The following PLEKHG4B variants were observed in gnomAD, a reference collection of about 807,000 sequenced individuals.
The protein encoded by PLEKHG4B is pleckstrin homology domain-containing family G member 4B.
A neutral mutation model predicts 121.3 loss-of-function variants in PLEKHG4B; 111 were observed. The ratio of observed to expected loss-of-function variants is 0.92; its 90% CI spans 0.78 to 1.07. PLEKHG4B has a LOEUF of 1.07. Ranked by LOEUF, PLEKHG4B falls within the 50% of genes least tolerant of loss-of-function variation. The probability of loss-of-function intolerance (pLI) is 0.00; values close to 1 mark genes in which losing one functional copy is unlikely to be tolerated. For synonymous variants in PLEKHG4B, 738 were observed against 725.0 expected (o/e 1.02, Z -0.29); for missense variants, 1,831 against 1,757.8 (o/e 1.04, Z -0.74).
chr5:112,969 C>A (rs536051633), intron 1 of PLEKHG4B, among the ~76,000 whole-genome samples: 1 of 152,258 alleles, frequency 6.6e-6, no homozygotes, highest in South Asian at 2.1e-4. Context: ...TGGCAGCCCA[C>A]ATTTATAGAG....
Position 159,846 on chromosome 5 carries a change from CCTGTGGAGT to C in PLEKHG4B, c.2488-1934_2488-1926del, listed in dbSNP as rs1735933482. Among the ~76,000 whole-genome samples, 1 of 152,176 alleles carries C rather than the reference CCTGTGGAGT, an allele frequency of 6.6e-6. No homozygotes were observed. Among genetic ancestry groups the C allele is most frequent in the South Asian group, 2.1e-4 (1 of 4,820 alleles). On this transcript the variant is annotated intron_variant, in intron 11 of 19. Coordinates refer to ENST00000637938, the MANE Select transcript of PLEKHG4B (RefSeq NM_052909.5). This position sits in a 1 kb window ranked among gnomAD's most constrained non-coding sequence, Gnocchi z 5.5. ...TCCCTCCGACACTCCCTCACCCTGT[CCTGTGGAGT>C]CTCGGGACTTGGCCTCTGCTCTCCT...
chr5:170,069 G>C (rs1486537335), intron 14 of PLEKHG4B, among the ~76,000 whole-genome samples: 1 of 152,222 alleles, frequency 6.6e-6, no homozygotes, highest in African/African-American at 2.4e-5. Flanking sequence ...TGAATGTACA[G>C]ACCCAGTGGT....
At chr5:158,293 C>A (rs893328771) in intron 11 of PLEKHG4B, among the ~76,000 whole-genome samples, 1 of 140,524 alleles carries the variant, frequency 7.1e-6, no homozygotes, top group African/African-American at 2.7e-5. Context: ...TCTGCCCATC[C>A]TGGGGGTCTC....
chr5:122,743 C>T (rs1734506403), intron 2 of PLEKHG4B, among the ~76,000 whole-genome samples: 1 of 151,844 alleles, frequency 6.6e-6, no homozygotes, highest in African/African-American at 2.4e-5. Flanking sequence ...AATATAAAGA[C>T]ACACAAAAAT....
intron 2 of PLEKHG4B, among the ~76,000 whole-genome samples, chr5:119,851 C>T (rs10040004): frequency 6.6e-6 from 1 of 152,048 alleles, no homozygotes; most frequent in South Asian, 2.1e-4. Flanking sequence ...CTTGAATGCA[C>T]GTGGATCTTC....
chr5:135,349 A>C (rs1363384269), intron 2 of PLEKHG4B, among the ~76,000 whole-genome samples: 4 of 151,864 alleles, frequency 2.6e-5, no homozygotes, highest in Admixed American at 1.3e-4. Context: ...AACACATCTC[A>C]TGTTCATGGA....
At chr5:96,372 C>G (rs965470643) in intron 1 of PLEKHG4B, among the ~76,000 whole-genome samples, 9 of 152,162 alleles carry the variant, frequency 5.9e-5, no homozygotes, top group Admixed American at 3.3e-4. Flanking sequence ...AATTTTTTGT[C>G]AAATTTCTTA....
chr5:94,268 T>C (rs1733562670), intron 1 of PLEKHG4B, among the ~76,000 whole-genome samples: 1 of 152,182 alleles, frequency 6.6e-6, no homozygotes, highest in Admixed American at 6.5e-5. Flanking sequence ...CCCACCTGGG[T>C]CGCCCCACAC....
At chr5:174,131 C>G in intron 18 of PLEKHG4B, 33 bp downstream of exon 18, 1 of 1,486,668 alleles carries the variant, frequency 6.7e-7, no homozygotes, top group Non-Finnish European at 9.1e-7. Flanking sequence ...GCCTGCCAGG[C>G]TCAGGGGCAC....
chr5:181,368 G>T, intron 18 of PLEKHG4B, 146 bp from the exon 19 acceptor site: 1 of 779,114 alleles, frequency 1.3e-6, no homozygotes, highest in Non-Finnish European at 2.0e-6. Flanking sequence ...CAGCACCCTG[G>T]CCCCCCATGC....
intron 2 of PLEKHG4B, among the ~76,000 whole-genome samples, chr5:122,698 A>G (rs1195449338): frequency 2.6e-5 from 4 of 152,074 alleles, no homozygotes; most frequent in Non-Finnish European, 4.4e-5. Flanking sequence ...GGGATTACAG[A>G]CATGAGCCAC....
intron 18 of PLEKHG4B, among the ~76,000 whole-genome samples, chr5:180,721 A>G (rs1169654267): frequency 6.6e-6 from 1 of 152,178 alleles, no homozygotes; most frequent in African/African-American, 2.4e-5. Flanking sequence ...CTAACCCTAA[A>G]ATAGCCTTCG....
intron 14 of PLEKHG4B, among the ~76,000 whole-genome samples, chr5:170,388 C>T (rs1187256400): frequency 1.3e-5 from 2 of 152,062 alleles, no homozygotes; most frequent in Admixed American, 6.5e-5. Flanking sequence ...CAGCAGACTC[C>T]GCCTCCCGAG....
chr5:110,671 G>T (rs995738230), intron 1 of PLEKHG4B, among the ~76,000 whole-genome samples: 10 of 120,498 alleles, frequency 8.3e-5, no homozygotes, highest in Admixed American at 1.7e-4. Flanking sequence ...ACACGTGCAC[G>T]CACCCACACA....
chr5:114,137 T>C (rs146124897), intron 2 of PLEKHG4B, among the ~76,000 whole-genome samples: 4 of 152,330 alleles, frequency 2.6e-5, no homozygotes, highest in African/African-American at 9.6e-5. Context: ...AATCTCTTTA[T>C]TGGTGGAAGG....
chr5:98,228 G>T (rs1233265838), intron 1 of PLEKHG4B, among the ~76,000 whole-genome samples: 2 of 151,922 alleles, frequency 1.3e-5, no homozygotes, highest in African/African-American at 4.8e-5. Context: ...GTTAACTTTT[G>T]TATGTGGTGT....
rs1396614520 is a variant in PLEKHG4B at position 139,238 on chromosome 5, C to T, written c.244-245C>T. 6.6e-6 allele frequency among the ~76,000 whole-genome samples: 1 copy of T among 152,238 alleles called. No homozygotes were observed. Among genetic ancestry groups the T allele is most frequent in the Non-Finnish European group, 1.5e-5 (1 of 68,040 alleles). On this transcript the variant is annotated intron_variant, in intron 2 of 19. Transcript: ENST00000637938. This position sits in a 1 kb window ranked among gnomAD's most constrained non-coding sequence, Gnocchi z 5.0. ...TCTCCCCTGTCCTGCCCACCTACCC[C>T]CAGCCTCCAGGAAGAGCTATACAAT...
At chr5:138,251 G>A (rs1425122987) in intron 2 of PLEKHG4B, among the ~76,000 whole-genome samples, 1 of 152,194 alleles carries the variant, frequency 6.6e-6, no homozygotes. Flanking sequence ...TGAAATGAGG[G>A]TGTAACTTTA....
At chr5:163,654 G>A (rs29675) in intron 13 of PLEKHG4B, 106 bp downstream of exon 13, 732,871 of 966,070 alleles carry the variant, frequency 0.76, 281,031 homozygotes, top group Non-Finnish European at 0.79. Context: ...AAGTAAATCC[G>A]CAGACATCCC....
Sources: allele counts gnomAD v4.1 joint callset (sites outside exome capture counted in the v4.1 genomes callset), GRCh38; gene constraint gnomAD v4.1.1; non-coding constraint Gnocchi (gnomAD v3.1); transcripts MANE v1.5; gene names NCBI Gene and HGNC (gene_info 2026-07-23, HGNC 2026-07-21).